RTN4RL1: variants seen among roughly 807,000 people sequenced by gnomAD.
RTN4RL1 encodes reticulon-4 receptor-like 1.
In RTN4RL1, 7 loss-of-function variants were observed where a neutral mutation model predicts 25.6. That is an observed-to-expected ratio of 0.27 (90% confidence interval 0.16 to 0.51). The LOEUF (loss-of-function observed/expected upper bound fraction) is 0.51. Among genes scored for constraint, RTN4RL1 ranks in the 20% least tolerant of loss-of-function variants. RTN4RL1 has a pLI of 0.97. For missense variants in RTN4RL1, 500 were observed against 615.6 expected (o/e 0.81, Z 1.99); for synonymous variants, 297 against 288.2 (o/e 1.03, Z -0.31).
intron 1 of RTN4RL1, among the ~76,000 whole-genome samples, chr17:1,969,057 C>CTTT (rs1597501106): frequency 2.1e-5 from 1 of 48,344 alleles, no homozygotes; most frequent in East Asian, 4.5e-4. Context: ...GACCACTGTC[C>CTTT]CTTTTTTTTT....
chr17:1,938,816 C>A (rs569153104), intron 1 of RTN4RL1, among the ~76,000 whole-genome samples: 1 of 151,208 alleles, frequency 6.6e-6, no homozygotes, highest in African/African-American at 2.4e-5. Flanking sequence ...TTTGGGAAGC[C>A]GAGGCAGGCG....
chr17:1,962,725 C>A (rs959091421), intron 1 of RTN4RL1, among the ~76,000 whole-genome samples: 2 of 151,482 alleles, frequency 1.3e-5, no homozygotes, highest in African/African-American at 4.8e-5. Flanking sequence ...ACTAGCCGGG[C>A]AGGATGGTGT....
At chr17:1,989,925 A>T (rs1487694904) in intron 1 of RTN4RL1, among the ~76,000 whole-genome samples, 1 of 151,922 alleles carries the variant, frequency 6.6e-6, no homozygotes, top group Non-Finnish European at 1.5e-5. Flanking sequence ...GTTCGAGACC[A>T]GCCCGGGCAA....
Position 2,009,643 on chromosome 17 carries a change from C to T in RTN4RL1, c.13+15210G>A, listed in dbSNP as rs934084144. 4.0e-5 allele frequency among the ~76,000 whole-genome samples: 5 copies of T among 123,766 alleles called. 2 individuals carry two copies. In the South Asian group the frequency reaches 1.5e-3, roughly 38 times the overall value. 81.2% of individuals were successfully genotyped at this position (123,766 alleles called of 152,430 possible). A position where few individuals can be genotyped will look rare whatever the true frequency, so the allele number is the denominator to read the frequency against. ...ATGGGAATCAATCTCTGACCTTATACTCAAACTGCAGCCTGGGCCACATAA... is the reference window on the plus strand; with the variant it reads ...ATGGGAATCAATCTCTGACCTTATATTCAAACTGCAGCCTGGGCCACATAA... On this transcript the variant is annotated intron_variant, in intron 1 of 1. Transcript: ENST00000331238.
intron 1 of RTN4RL1, among the ~76,000 whole-genome samples, chr17:2,024,209 G>A (rs924408000): frequency 2.0e-5 from 3 of 152,208 alleles, no homozygotes; most frequent in African/African-American, 7.2e-5. Flanking sequence ...GCTGTGCACC[G>A]GTCGCGCACA....
intron 1 of RTN4RL1, among the ~76,000 whole-genome samples, chr17:2,020,931 C>T (rs2067192901): frequency 6.6e-6 from 1 of 152,238 alleles, no homozygotes; most frequent in African/African-American, 2.4e-5. Context: ...GCCGCCCTTC[C>T]TTCCTGGATG....
intron 1 of RTN4RL1, among the ~76,000 whole-genome samples, chr17:2,000,667 G>A (rs1294896993): frequency 1.3e-5 from 2 of 151,966 alleles, no homozygotes; most frequent in African/African-American, 4.8e-5. Context: ...TTACAGGGGC[G>A]TGCCACCACG....
intron 1 of RTN4RL1, among the ~76,000 whole-genome samples, chr17:1,964,119 T>G (rs1394579930): frequency 6.6e-6 from 1 of 152,176 alleles, no homozygotes; most frequent in East Asian, 1.9e-4. Flanking sequence ...CGGAACAGTC[T>G]GGGGCTGCGC....
chr17:1,962,617 C>T (rs569546044), intron 1 of RTN4RL1, among the ~76,000 whole-genome samples: 56 of 152,082 alleles, frequency 3.7e-4, no homozygotes, highest in Admixed American at 8.5e-4. Context: ...GTAATCCCAG[C>T]ACTTTGGGAG....
intron 1 of RTN4RL1, among the ~76,000 whole-genome samples, chr17:2,015,589 G>A (rs2067110329): frequency 6.6e-6 from 1 of 152,208 alleles, no homozygotes; most frequent in African/African-American, 2.4e-5. Context: ...GAAGCAGGAC[G>A]GCCAACAGGG....
chr17:1,967,555 C>T (rs957644355), intron 1 of RTN4RL1, among the ~76,000 whole-genome samples: 5 of 150,912 alleles, frequency 3.3e-5, no homozygotes, highest in East Asian at 1.9e-4. Context: ...TCTCCCTCTT[C>T]GAGCCCTACA....
chr17:1,970,584 C>A (rs1445283351), intron 1 of RTN4RL1, among the ~76,000 whole-genome samples: 1 of 152,170 alleles, frequency 6.6e-6, no homozygotes, highest in Non-Finnish European at 1.5e-5. Context: ...TGGAGACTGG[C>A]CACGACCCAG....
chr17:2,023,102 G>A (rs543610496), intron 1 of RTN4RL1, among the ~76,000 whole-genome samples: 1 of 152,310 alleles, frequency 6.6e-6, no homozygotes, highest in Admixed American at 6.5e-5. Flanking sequence ...AAGACCAAAA[G>A]GGAAATGAGA....
chr17:1,967,577 A>C (rs1432428529), intron 1 of RTN4RL1, among the ~76,000 whole-genome samples: 1 of 147,688 alleles, frequency 6.8e-6, no homozygotes, highest in Non-Finnish European at 1.5e-5. Flanking sequence ...CTGGAATTCT[A>C]CCCCTCCTCC....
At chr17:2,019,277 G>A (rs760342835) in intron 1 of RTN4RL1, 41 of 152,356 alleles carry the variant, frequency 2.7e-4, no homozygotes, top group African/African-American at 8.4e-4. Context: ...CTCCGTTCCC[G>A]TTTCGCCAGC....
chr17:1,956,960 G>A (rs1915806585), intron 1 of RTN4RL1, among the ~76,000 whole-genome samples: 1 of 152,022 alleles, frequency 6.6e-6, no homozygotes. Context: ...GGCTGGTCTC[G>A]AACTCCTGAC....
At chr17:1,941,751 C>T (rs181034973) in intron 1 of RTN4RL1, among the ~76,000 whole-genome samples, 110 of 152,284 alleles carry the variant, frequency 7.2e-4, no homozygotes, top group African/African-American at 2.5e-3. Flanking sequence ...TGCTTCTGCA[C>T]GCTGGAAGTT....
intron 1 of RTN4RL1, among the ~76,000 whole-genome samples, chr17:2,004,752 C>T (rs546296190): frequency 1.6e-4 from 24 of 152,246 alleles, no homozygotes; most frequent in Non-Finnish European, 2.6e-4. Flanking sequence ...CCCTACGTGA[C>T]CTGTCCCTGC....
At chr17:1,957,117 G>A (rs187124032) in intron 1 of RTN4RL1, among the ~76,000 whole-genome samples, 3 of 152,272 alleles carry the variant, frequency 2.0e-5, no homozygotes, top group Admixed American at 6.5e-5. Context: ...ACTAAATAAC[G>A]TTGGAATGAA....
Sources: gnomAD v4.1 joint callset for allele counts (sites outside exome capture counted in the v4.1 genomes callset) on GRCh38, gnomAD v4.1.1 for gene constraint, MANE v1.5 for transcripts, NCBI Gene and HGNC (gene_info 2026-07-23, HGNC 2026-07-21) for gene names.